ENTREP2: variants seen among roughly 807,000 people sequenced by gnomAD.
ENTREP2 encodes the protein endosomal transmembrane epsin interactor 2.
the ENTREP2 span, among the ~76,000 whole-genome samples, chr15:29,132,530 G>C: frequency 1.3e-5 from 2 of 152,200 alleles, no homozygotes; most frequent in African/African-American, 2.4e-5. Context: ...GCCAACACAT[G>C]CTAATTCGAG....
chr15:29,514,470 T>G, the ENTREP2 span, among the ~76,000 whole-genome samples: 1 of 152,218 alleles, frequency 6.6e-6, no homozygotes, highest in African/African-American at 2.4e-5. Flanking sequence ...GATGGACACT[T>G]GGGTAGCTCC....
the ENTREP2 span, among the ~76,000 whole-genome samples, chr15:29,358,979 C>G: frequency 6.6e-6 from 1 of 152,124 alleles, no homozygotes; most frequent in Non-Finnish European, 1.5e-5. Context: ...GGAAAGCAAG[C>G]CCAGTGCTCT....
chr15:29,370,756 C>T, the ENTREP2 span, among the ~76,000 whole-genome samples: 4 of 152,196 alleles, frequency 2.6e-5, no homozygotes, highest in African/African-American at 7.2e-5. Flanking sequence ...TAAGGAGACA[C>T]GGGCCTAGAG....
chr15:29,477,934 G>A, the ENTREP2 span, among the ~76,000 whole-genome samples: 8 of 149,534 alleles, frequency 5.3e-5, no homozygotes, highest in African/African-American at 2.0e-4. Flanking sequence ...CAAGCCTTGG[G>A]TGTACTTTAC....
At chr15:29,476,910 C>G in the ENTREP2 span, among the ~76,000 whole-genome samples, 6 of 152,212 alleles carry the variant, frequency 3.9e-5, no homozygotes, top group African/African-American at 1.4e-4. Flanking sequence ...AGCAATTCCA[C>G]TCTCCTAGGC....
chr15:29,611,528 T>C, the ENTREP2 span, among the ~76,000 whole-genome samples: 1 of 152,052 alleles, frequency 6.6e-6, no homozygotes, highest in Admixed American at 6.6e-5. Context: ...ACCCTTAACT[T>C]ATGTCTCAAG....
the ENTREP2 span, among the ~76,000 whole-genome samples, chr15:29,138,581 A>ATATGTTATGTGTG: frequency 3.0e-4 from 46 of 151,726 alleles, no homozygotes; most frequent in South Asian, 1.9e-3. Flanking sequence ...GTGCATGTGC[A>ATATGTTATGTGTG]TGTGTCTGTG....
the ENTREP2 span, among the ~76,000 whole-genome samples, chr15:29,662,719 T>G: frequency 6.6e-6 from 1 of 152,034 alleles, no homozygotes; most frequent in Non-Finnish European, 1.5e-5. Flanking sequence ...CCGATTCTTT[T>G]TCTTTTTTTT....
chr15:29,581,922 T>C, the ENTREP2 span, among the ~76,000 whole-genome samples: 1 of 148,008 alleles, frequency 6.8e-6, no homozygotes, highest in Admixed American at 7.0e-5. Flanking sequence ...AACCCAGAAA[T>C]AGATCCCCAA....
chr15:29,328,269 G>A, the ENTREP2 span, among the ~76,000 whole-genome samples: 1 of 151,718 alleles, frequency 6.6e-6, no homozygotes, highest in Non-Finnish European at 1.5e-5. Flanking sequence ...TAAGAGTTCA[G>A]GGAGAGAGGG....
chr15:29,162,452 T>G, the ENTREP2 span, among the ~76,000 whole-genome samples: 1 of 152,046 alleles, frequency 6.6e-6, no homozygotes, highest in Non-Finnish European at 1.5e-5. Flanking sequence ...GAAAACAGAC[T>G]TGGGGCGGTT....
chr15:29,546,864 G>A, the ENTREP2 span, among the ~76,000 whole-genome samples: 2 of 138,330 alleles, frequency 1.4e-5, no homozygotes, highest in East Asian at 4.5e-4. Flanking sequence ...TCCAGCCTGG[G>A]TGACAGAGCG....
At chr15:29,668,555 C>T in the ENTREP2 span, among the ~76,000 whole-genome samples, 1 of 152,084 alleles carries the variant, frequency 6.6e-6, no homozygotes, top group South Asian at 2.1e-4. Flanking sequence ...TGGTATATAT[C>T]GATACAAGAG....
chr15:29,257,031 G>A, the ENTREP2 span, among the ~76,000 whole-genome samples: 92,247 of 150,504 alleles, frequency 0.61, 28,244 homozygotes, highest in African/African-American at 0.64. Context: ...ATGAATCACA[G>A]TTTATTTTTT....
chr15:29,269,686 T>G, the ENTREP2 span: 2 of 1,549,894 alleles, frequency 1.3e-6, no homozygotes, highest in Non-Finnish European at 1.7e-6. Flanking sequence ...GCGGCCCCGG[T>G]TCCTCGGTTT....
At chr15:29,136,489 C>T in the ENTREP2 span, 1 of 1,548,250 alleles carries the variant, frequency 6.5e-7, no homozygotes, top group Non-Finnish European at 8.7e-7. Context: ...GAGCAAAGTC[C>T]AGGTGGAGGC....
chr15:29,537,324 C>G, the ENTREP2 span, among the ~76,000 whole-genome samples: 1 of 152,130 alleles, frequency 6.6e-6, no homozygotes, highest in Non-Finnish European at 1.5e-5. Flanking sequence ...CACCGCCAGA[C>G]ACAAACACAA....
At chr15:29,433,124 C>T in the ENTREP2 span, among the ~76,000 whole-genome samples, 818 of 152,306 alleles carry the variant, frequency 5.4e-3, 10 homozygotes, top group African/African-American at 0.018. Context: ...CAGCCCCCGA[C>T]GGTCCTGGCA....
the ENTREP2 span, among the ~76,000 whole-genome samples, chr15:29,467,188 C>A: frequency 3.9e-5 from 6 of 152,050 alleles, no homozygotes; most frequent in African/African-American, 1.5e-4. Context: ...GTGTGTCCTG[C>A]GGCAAAGCGA....
Sources: allele counts gnomAD v4.1 joint callset (sites outside exome capture counted in the v4.1 genomes callset), GRCh38; gene constraint gnomAD v4.1.1; transcripts MANE v1.5; gene names NCBI Gene and HGNC (gene_info 2026-07-23, HGNC 2026-07-21).